VPS50: variants seen among roughly 807,000 people sequenced by gnomAD.
The protein encoded by VPS50 is syndetin.
A neutral mutation model predicts 139.7 loss-of-function variants in VPS50; 70 were observed. The ratio of observed to expected loss-of-function variants is 0.50; its 90% CI spans 0.41 to 0.61. The LOEUF (loss-of-function observed/expected upper bound fraction) is 0.61, where lower values mean the gene tolerates loss of function less well. Ranked by LOEUF, VPS50 falls within the 20% of genes least tolerant of loss-of-function variation. The probability of loss-of-function intolerance (pLI) is 0.00; values close to 1 mark genes in which losing one functional copy is unlikely to be tolerated. For synonymous variants in VPS50, 365 were observed against 376.7 expected, an observed-to-expected ratio of 0.97 and a Z score of 0.36; for missense variants, 921 against 1,133.7, an observed-to-expected ratio of 0.81 and a Z score of 2.69.
chr7:93,352,102 A>G (rs548658986), intron 25 of VPS50, among the ~76,000 whole-genome samples: 6 of 152,226 alleles, frequency 3.9e-5, no homozygotes, highest in Non-Finnish European at 7.4e-5. Flanking sequence ...TATAACAAGC[A>G]TTTTTGAGCA....
intron 12 of VPS50, among the ~76,000 whole-genome samples, chr7:93,278,943 A>G (rs1396083616): frequency 6.6e-6 from 1 of 152,124 alleles, no homozygotes; most frequent in Admixed American, 6.6e-5. Context: ...TTTGGTATTT[A>G]TTCAAGCTGT....
At chr7:93,343,143 C>A (rs1192252966) in intron 23 of VPS50, among the ~76,000 whole-genome samples, 1 of 152,054 alleles carries the variant, frequency 6.6e-6, no homozygotes, top group African/African-American at 2.4e-5. Context: ...CTTAAAGGAG[C>A]TGATGGAGCT....
intron 26 of VPS50, among the ~76,000 whole-genome samples, chr7:93,354,253 T>C (rs968243361): frequency 4.6e-5 from 7 of 152,068 alleles, no homozygotes; most frequent in African/African-American, 1.7e-4. Flanking sequence ...ACACAGTTTT[T>C]AAAGGCATAT....
chr7:93,269,616 G>A (rs1025859627), intron 9 of VPS50, among the ~76,000 whole-genome samples: 1 of 152,008 alleles, frequency 6.6e-6, no homozygotes, highest in Non-Finnish European at 1.5e-5. Flanking sequence ...TGCTATCTAT[G>A]TCTATCTATA....
chr7:93,294,561 A>G lies in VPS50; in HGVS notation c.1092A>G (p.Ile364Met). The G allele has an allele frequency of 6.4e-7, 1 of 1,571,070 alleles. No individual in the cohort carries two copies. The highest frequency in any genetic ancestry group is 8.6e-7 in the Non-Finnish European group (1 of 1,161,360). Residue 364 changes from isoleucine to methionine, a missense_variant, in exon 14 of 28, where the codon ATA becomes ATG. Transcript: ENST00000305866. Reference sequence around the variant, plus strand: ...TATTTTCAGAAGGGAGTAATATGATAGGTACTGAAGAAACTAATTTTGATC... The same window carrying G: ...TATTTTCAGAAGGGAGTAATATGATGGGTACTGAAGAAACTAATTTTGATC... ...TASASEGSNM[I>M]GTEETNFDRG...
rs572641783 is a variant in VPS50, at chr7:93,350,045, G to A, written c.2463+12G>A. ...ATGCACTATTAAAGGCAAGTGTTCT[G>A]GGAAGCACCTGTGCTAAAGATCAAT... On this transcript the variant is annotated intron_variant, in intron 25 of 27. Transcript: ENST00000305866. 42 of 1,601,170 alleles carry A rather than the reference G, an allele frequency of 2.6e-5. No homozygotes were observed. The highest frequency in any genetic ancestry group is 3.6e-5 in the Non-Finnish European group (42 of 1,171,192).
Position 93,358,446 on chromosome 7 carries a change from C to T in VPS50, c.*10C>T. Reference sequence around the variant, plus strand: ...CAGACCTAAAAGATAATGAACACAGCTCTCTTTCCTCAATGGCATTGATCC... The same window carrying T: ...CAGACCTAAAAGATAATGAACACAGTTCTCTTTCCTCAATGGCATTGATCC... On this transcript the variant is annotated 3_prime_UTR_variant, in exon 28 of 28. Coordinates refer to ENST00000305866, the MANE Select transcript of VPS50 (RefSeq NM_017667.4). The T allele has an allele frequency of 6.2e-7, 1 of 1,608,730 alleles. No homozygotes were observed. The highest frequency in any genetic ancestry group is 1.3e-5 in the African/African-American group (1 of 74,872).
intron 2 of VPS50, among the ~76,000 whole-genome samples, chr7:93,250,642 T>C (rs1795294832): frequency 1.3e-5 from 2 of 152,162 alleles, no homozygotes; most frequent in African/African-American, 2.4e-5. Flanking sequence ...GGGCAAAGAC[T>C]TCATGACTAA....
chr7:93,251,407 C>A (rs1331632806), intron 2 of VPS50, among the ~76,000 whole-genome samples: 1 of 151,420 alleles, frequency 6.6e-6, no homozygotes, highest in Non-Finnish European at 1.5e-5. Flanking sequence ...GCGTCATTCA[C>A]AGCAAACTAA....
At chr7:93,324,889 C>G (rs1280008807) in intron 21 of VPS50, among the ~76,000 whole-genome samples, 1 of 152,142 alleles carries the variant, frequency 6.6e-6, no homozygotes, top group Non-Finnish European at 1.5e-5. Flanking sequence ...TTTATAGATT[C>G]AATGCCATCC....
At chr7:93,270,181 G>A (rs1018380358) in intron 9 of VPS50, among the ~76,000 whole-genome samples, 1 of 151,182 alleles carries the variant, frequency 6.6e-6, no homozygotes, top group African/African-American at 2.4e-5. Flanking sequence ...TCAATCACGT[G>A]TCCTAAGTGT....
At position 93,294,567 on chromosome 7, in the gene VPS50, T is replaced by A. The variant is rs1197244702; in HGVS notation, c.1098T>A (p.Thr366=). The A allele has an allele frequency of 1.3e-6, 2 of 1,595,046 alleles. No homozygotes were observed. The change falls in exon 14 of 28, where the codon ACT becomes ACA. Residue 366 remains threonine, a synonymous_variant. Transcript: ENST00000305866. ...SASEGSNMIG[T]EETNFDRGYI... ...CAGAAGGGAGTAATATGATAGGTAC[T>A]GAAGAAACTAATTTTGATCGTGGCT...
chr7:93,326,618 C>T (rs192943083), intron 21 of VPS50, among the ~76,000 whole-genome samples: 32 of 151,922 alleles, frequency 2.1e-4, no homozygotes, highest in Admixed American at 1.9e-3. Context: ...TTCCAAAGCT[C>T]TTATTGAGTA....
At chr7:93,267,699 C>T (rs182382764) in intron 9 of VPS50, among the ~76,000 whole-genome samples, 13 of 151,944 alleles carry the variant, frequency 8.6e-5, no homozygotes, top group Admixed American at 2.0e-4. Flanking sequence ...ATATGGTATT[C>T]GAATTAAGCC....
intron 23 of VPS50, among the ~76,000 whole-genome samples, chr7:93,342,162 A>G (rs1255280241): frequency 6.6e-6 from 1 of 152,218 alleles, no homozygotes; most frequent in African/African-American, 2.4e-5. Flanking sequence ...TTGCCTCACT[A>G]GGGAAGCACA....
intron 2 of VPS50, among the ~76,000 whole-genome samples, chr7:93,246,294 ACATACACTGCATTCTGC>A (rs1795152496): frequency 6.6e-6 from 1 of 151,902 alleles, no homozygotes; most frequent in Non-Finnish European, 1.5e-5. Flanking sequence ...ACACACACAC[ACATACACTGCATTCTGC>A]CATTGAGTTA....
At chr7:93,260,514 A>G (rs1584398805) in intron 9 of VPS50, among the ~76,000 whole-genome samples, 1 of 152,228 alleles carries the variant, frequency 6.6e-6, no homozygotes, top group African/African-American at 2.4e-5. Flanking sequence ...ATAATAGAGC[A>G]AAACATTAAT....
At position 93,258,239 on chromosome 7, in the gene VPS50, T is replaced by C. The variant is rs770447789; in HGVS notation, c.503T>C (p.Ile168Thr). ...AATCAAAGGAAACGTCAGTTGCTGA[T>C]TGGACTTCTGAAATCTCTGAGAACT... ...LANQRKRQLL[I>T]GLLKSLRTIK... The change falls in exon 7 of 28, where the codon ATT becomes ACT. Residue 168 changes from isoleucine (I) to threonine (T), a missense_variant. Transcript: ENST00000305866. 5.0e-6 allele frequency: 8 copies of C among 1,598,616 alleles called. No homozygotes were observed. Among genetic ancestry groups the C allele is most frequent in the East Asian group, 2.2e-5 (1 of 44,738 alleles).
Position 93,294,591 on chromosome 7 carries a change from C to T in VPS50, c.1122C>T (p.Gly374=). ...IGTEETNFDR[G]YIKKKLEHGL... ...CTGAAGAAACTAATTTTGATCGTGG[C>T]TACATAAAAAAGAAATTAGAACATG... The change falls in exon 14 of 28, where the codon GGC becomes GGT. Residue 374 remains glycine (G), a synonymous_variant. Coordinates refer to ENST00000305866, the MANE Select transcript of VPS50 (RefSeq NM_017667.4). 4 of 1,596,398 alleles carry T rather than the reference C, an allele frequency of 2.5e-6. No individual in the cohort carries two copies. Among genetic ancestry groups the T allele is most frequent in the Non-Finnish European group, 1.7e-6 (2 of 1,172,696 alleles).
Sources: gnomAD v4.1 joint callset for allele counts (sites outside exome capture counted in the v4.1 genomes callset) on GRCh38, gnomAD v4.1.1 for gene constraint, MANE v1.5 for transcripts, NCBI Gene and HGNC (gene_info 2026-07-23, HGNC 2026-07-21) for gene names.